The following PCYOX1 variants were observed in gnomAD, a reference collection of about 807,000 sequenced individuals.
The protein encoded by PCYOX1 is prenylcysteine oxidase 1.
PCYOX1 carries 46 observed loss-of-function variants against 46.4 expected under a neutral mutation model. That is an observed-to-expected ratio of 0.99 (90% CI 0.78 to 1.27). The LOEUF is 1.27. PCYOX1 is among the 50% of genes most tolerant of loss of function. The probability of loss-of-function intolerance (pLI) is 0.00; values close to 1 mark genes in which losing one functional copy is unlikely to be tolerated. For missense variants in PCYOX1, 658 were observed against 628.3 expected, an observed-to-expected ratio of 1.05 and a Z score of -0.51; for synonymous variants, 220 against 231.8, an observed-to-expected ratio of 0.95 and a Z score of 0.46.
chr2:70,274,942 T>C lies in PCYOX1; in HGVS notation c.495-17T>C. On this transcript the variant is annotated splice_polypyrimidine_tract_variant and intron_variant, in intron 3 of 5. Coordinates refer to ENST00000433351, the MANE Select transcript of PCYOX1 (RefSeq NM_016297.4). ...CATCTTGTTTGGTATTTAATGGATT[T>C]CTCTTCTTTTCCAAAGGATCTACCG... The C allele has an allele frequency of 6.8e-7, 1 of 1,476,898 alleles. No individual in the cohort carries two copies. The highest frequency in any genetic ancestry group is 9.5e-7 in the Non-Finnish European group (1 of 1,054,850). The allele number at this position is 1,476,898 out of a possible 1,614,324, so 91.5% of individuals were successfully genotyped here.
chr2:70,259,005 T>A (rs984486562), intron 1 of PCYOX1, among the ~76,000 whole-genome samples: 3 of 152,186 alleles, frequency 2.0e-5, no homozygotes, highest in African/African-American at 7.2e-5. Context: ...TGGCCGTCAC[T>A]TTATTAAAAA....
rs1043525531 is a variant in PCYOX1, at chr2:70,279,112, T to A, written c.*1720T>A. The A allele has an allele frequency of 6.6e-6, 1 of 152,064 alleles. No homozygotes were observed. Among genetic ancestry groups the A allele is most frequent in the African/African-American group, 2.4e-5 (1 of 41,400 alleles). The allele number at this position is 152,064 out of a possible 1,614,324, so 9.4% of individuals were successfully genotyped here. A position where few individuals can be genotyped will look rare whatever the true frequency, so the allele number is the denominator to read the frequency against. ...ATCTTAAAAAAAAAAAATCCTTCCATTGAATAGAAACTTCAAAGTCCTTCA... is the reference window on the plus strand; with the variant it reads ...ATCTTAAAAAAAAAAAATCCTTCCAATGAATAGAAACTTCAAAGTCCTTCA... On this transcript the variant is annotated 3_prime_UTR_variant, in exon 6 of 6. Coordinates refer to ENST00000433351, the MANE Select transcript of PCYOX1 (RefSeq NM_016297.4).
rs766435943 is a variant in PCYOX1, at chr2:70,277,310, T to A, written c.1436T>A (p.Leu479His). 6.2e-7 allele frequency: 1 copy of A among 1,614,096 alleles called. No individual in the cohort carries two copies. Among genetic ancestry groups the A allele is most frequent in the Non-Finnish European group, 8.5e-7 (1 of 1,179,960 alleles). Residue 479 changes from leucine (L) to histidine (H), a missense_variant, in exon 6 of 6, where the codon CTC becomes CAC. Transcript: ENST00000433351. ...GCCATTGCAGCCCACAACGCTGCAC[T>A]CCTTGCCTATCACCGCTGGAACGGG... ...MSAIAAHNAA[L>H]LAYHRWNGHT...
At chr2:70,262,836 A>C (rs528191292) in intron 3 of PCYOX1, among the ~76,000 whole-genome samples, 2 of 152,200 alleles carry the variant, frequency 1.3e-5, no homozygotes, top group Admixed American at 1.3e-4. Context: ...CCAGGATCGC[A>C]TCATTACACT....
chr2:70,277,773 G>C lies in PCYOX1; in HGVS notation c.*381G>C, dbSNP rs1696708207. 6.0e-6 allele frequency: 1 copy of C among 165,516 alleles called. No individual in the cohort carries two copies. The highest frequency in any genetic ancestry group is 1.3e-5 in the Non-Finnish European group (1 of 76,534). 10.3% of individuals were successfully genotyped at this position (165,516 alleles called of 1,614,324 possible). A position where few individuals can be genotyped will look rare whatever the true frequency, so the allele number is the denominator to read the frequency against. On this transcript the variant is annotated 3_prime_UTR_variant, in exon 6 of 6. Transcript: ENST00000433351. ...AAATAAAAATAATCACCTGGAGTTTGTTAAACCATATGGATTCTCAAGCTC... is the reference window on the plus strand; with the variant it reads ...AAATAAAAATAATCACCTGGAGTTTCTTAAACCATATGGATTCTCAAGCTC...
Position 70,277,153 on chromosome 2 carries a change from T to C in PCYOX1, c.1279T>C (p.Tyr427His), listed in dbSNP as rs748601227. The C allele has an allele frequency of 5.6e-6, 9 of 1,614,154 alleles. No individual in the cohort carries two copies. The highest frequency in any genetic ancestry group is 7.6e-6 in the Non-Finnish European group (9 of 1,179,990). ...TTTAAAGCTCTTTCTGTCCTATGATTATGCTGTGAAGAAGCCATGGCTTGC... is the reference window on the plus strand; with the variant it reads ...TTTAAAGCTCTTTCTGTCCTATGATCATGCTGTGAAGAAGCCATGGCTTGC... ...QILKLFLSYD[Y>H]AVKKPWLAYP... Residue 427 changes from tyrosine to histidine, a missense_variant, in exon 6 of 6, where the codon TAT becomes CAT. Coordinates refer to ENST00000433351, the MANE Select transcript of PCYOX1 (RefSeq NM_016297.4).
In PCYOX1 at chr2:70,275,529, CCTGTT is replaced by C. The variant is rs1192796626; in HGVS notation, c.726_730del (p.Cys242Ter). The stretch of plus-strand genomic sequence containing the variant: ...CTATTGACAGGGGCGGTGTCACTGT[CCTGTT>C]CTGATTCTGGCCTTTGGGCAGTAGA... On this transcript the variant is annotated frameshift_variant, in exon 5 of 6. Coordinates refer to ENST00000433351, the MANE Select transcript of PCYOX1 (RefSeq NM_016297.4). LOFTEE classifies it high-confidence loss of function. 1 of 1,614,110 alleles carries C rather than the reference CCTGTT, an allele frequency of 6.2e-7. No homozygotes were observed. Among genetic ancestry groups the C allele is most frequent in the East Asian group, 2.2e-5 (1 of 44,868 alleles).
rs575085252 is a variant in PCYOX1 at position 70,258,164 on chromosome 2, C to T, written c.-1C>T. 1.9e-6 allele frequency: 3 copies of T among 1,593,584 alleles called. No individual in the cohort carries two copies. Among genetic ancestry groups the T allele is most frequent in the South Asian group, 2.2e-5 (2 of 90,434 alleles). The stretch of plus-strand genomic sequence containing the variant: ...GGCCAGCTGCAGAGCTTGTGGAGGC[C>T]ATGGGGCGCGTCGTCGCGGAGCTCG... On this transcript the variant is annotated 5_prime_UTR_variant, in exon 1 of 6. Coordinates refer to ENST00000433351, the MANE Select transcript of PCYOX1 (RefSeq NM_016297.4).
Position 70,275,129 on chromosome 2 carries a change from G to A in PCYOX1, c.665G>A (p.Arg222Lys), listed in dbSNP as rs372696710. ...FLNEMIAPVM[R>K]VNYGQSTDIN... ...AATGAAATGATTGCTCCTGTTATGA[G>A]GGTCAATTATGGCCAAAGCACGGAC... is the stretch of plus-strand genomic sequence containing the variant. The change falls in exon 4 of 6, where the codon AGG (arginine) becomes AAG (lysine). Residue 222 changes from arginine to lysine, a missense_variant. Physicochemically the swap from Arg to Lys is conservative, Grantham distance 26. Transcript: ENST00000433351. 25 of 1,614,048 alleles carry A rather than the reference G, an allele frequency of 1.5e-5. No homozygotes were observed. The highest frequency in any genetic ancestry group is 2.1e-5 in the Non-Finnish European group (25 of 1,180,016).
intron 5 of PCYOX1, among the ~76,000 whole-genome samples, chr2:70,275,947 A>C (rs982364162): frequency 6.6e-6 from 1 of 151,678 alleles, no homozygotes; most frequent in Admixed American, 6.6e-5. Context: ...AAAAATACAA[A>C]AAATTAGCCG....
At chr2:70,276,662 G>A in intron 5 of PCYOX1, 72 bp from the exon 6 acceptor site, 1 of 816,364 alleles carries the variant, frequency 1.2e-6, no homozygotes, top group Non-Finnish European at 2.0e-6. Flanking sequence ...AAATTATGAA[G>A]AAGGTATACA....
rs376241428 is a variant in PCYOX1, at chr2:70,277,398, C to G, written c.*6C>G. The G allele has an allele frequency of 6.3e-7, 1 of 1,575,752 alleles. No homozygotes were observed. Among genetic ancestry groups the G allele is most frequent in the African/African-American group, 1.4e-5 (1 of 74,004 alleles). On this transcript the variant is annotated 3_prime_UTR_variant, in exon 6 of 6. Coordinates refer to ENST00000433351, the MANE Select transcript of PCYOX1 (RefSeq NM_016297.4). ...AACTTAAAACTGAACTATGAAGTGA[C>G]ACACTCCTTTTTCCCCTCCTAGTTC...
intron 3 of PCYOX1, among the ~76,000 whole-genome samples, chr2:70,262,246 A>G (rs966926573): frequency 6.6e-6 from 1 of 151,994 alleles, no homozygotes; most frequent in South Asian, 2.1e-4. Flanking sequence ...GCTCACTGCA[A>G]CCTCTGCCTC....
intron 2 of PCYOX1, among the ~76,000 whole-genome samples, chr2:70,260,798 C>T (rs1005029451): frequency 6.6e-6 from 1 of 152,180 alleles, no homozygotes; most frequent in Non-Finnish European, 1.5e-5. Flanking sequence ...CTTCCACATC[C>T]TCTGTAGATG....
At position 70,279,028 on chromosome 2, in the gene PCYOX1, G is replaced by A. The variant is rs1696725935; in HGVS notation, c.*1636G>A. On this transcript the variant is annotated 3_prime_UTR_variant, in exon 6 of 6. Coordinates refer to ENST00000433351, the MANE Select transcript of PCYOX1 (RefSeq NM_016297.4). Reference sequence around the variant, plus strand: ...TGGGAGGATCACTTGAGCCTTGGAGGTCAAGGCTGCAGTGAATCATGATCA... The same window carrying A: ...TGGGAGGATCACTTGAGCCTTGGAGATCAAGGCTGCAGTGAATCATGATCA... 2 of 151,770 alleles carry A rather than the reference G, an allele frequency of 1.3e-5. No homozygotes were observed. The highest frequency in any genetic ancestry group is 2.9e-5 in the Non-Finnish European group (2 of 67,956). The allele number at this position is 151,770 out of a possible 1,614,324, so 9.4% of individuals were successfully genotyped here.
intron 3 of PCYOX1, among the ~76,000 whole-genome samples, chr2:70,263,370 C>T (rs1696467343): frequency 6.6e-6 from 1 of 152,158 alleles, no homozygotes; most frequent in South Asian, 2.1e-4. Context: ...AGTCCATCTA[C>T]AGTGCATAAT....
chr2:70,274,919 T>G, intron 3 of PCYOX1, 40 bp from the exon 4 acceptor site: 3 of 1,220,948 alleles, frequency 2.5e-6, no homozygotes, highest in Non-Finnish European at 3.7e-6. Context: ...CTTCCCCACA[T>G]CTTGTTTGGT....
At chr2:70,276,585 G>A in intron 5 of PCYOX1, 149 bp from the exon 6 acceptor site, 1 of 555,034 alleles carries the variant, frequency 1.8e-6, no homozygotes, top group Non-Finnish European at 3.2e-6. Flanking sequence ...TGGCCTCAAT[G>A]TAATAAAAAT....
Position 70,275,120 on chromosome 2 carries a change from C to T in PCYOX1, c.656C>T (p.Pro219Leu). The T allele has an allele frequency of 6.2e-7, 1 of 1,614,150 alleles. No individual in the cohort carries two copies. The highest frequency in any genetic ancestry group is 8.5e-7 in the Non-Finnish European group (1 of 1,180,018). ...SEKFLNEMIAPVMRVNYGQST... is the reference protein window; with the variant it reads ...SEKFLNEMIALVMRVNYGQST... ...AAGTTCCTCAATGAAATGATTGCTC[C>T]TGTTATGAGGGTCAATTATGGCCAA... is the stretch of plus-strand genomic sequence containing the variant. The change falls in exon 4 of 6, where the codon CCT becomes CTT. Residue 219 changes from proline to leucine, a missense_variant. Pro to Leu is a moderately conservative substitution (Grantham distance 98, BLOSUM62 -3). Transcript: ENST00000433351.
Sources: gnomAD v4.1 joint callset for allele counts (sites outside exome capture counted in the v4.1 genomes callset) on GRCh38, gnomAD v4.1.1 for gene constraint, MANE v1.5 for transcripts, NCBI Gene and HGNC (gene_info 2026-07-23, HGNC 2026-07-21) for gene names.